The following C10orf71 variants were observed in gnomAD, a reference collection of about 807,000 sequenced individuals.
C10orf71 encodes the protein chromosome 10 open reading frame 71.
For missense variants in C10orf71, 1,869 were observed against 1,804.5 expected, an observed-to-expected ratio of 1.04 and a Z score of -0.65; for synonymous variants, 758 against 726.3, an observed-to-expected ratio of 1.04 and a Z score of -0.70.
In C10orf71 at chr10:49,325,789, G is replaced by T; in HGVS notation, c.3244G>T (p.Ala1082Ser). 3 of 1,551,488 alleles carry T rather than the reference G, an allele frequency of 1.9e-6. No individual in the cohort carries two copies. Among genetic ancestry groups the T allele is most frequent in the South Asian group, 2.4e-5 (2 of 84,050 alleles). Reference sequence around the variant, plus strand: ...CAACATTTGGGAGGAGTCTTCCCAGGCCCCTGGAGGACCAGAGCTGCTTCC... The same window carrying T: ...CAACATTTGGGAGGAGTCTTCCCAGTCCCCTGGAGGACCAGAGCTGCTTCC... ...ASNIWEESSQ[A>S]PGGPELLPEE... The change falls in exon 3 of 3, where the codon GCC becomes TCC. Residue 1082 changes from alanine (A) to serine (S), a missense_variant. Physicochemically the swap from Ala to Ser is moderately conservative, Grantham distance 99 (BLOSUM62 1). Transcript: ENST00000374144.
Position 49,326,736 on chromosome 10 carries a change from A to G in C10orf71, c.4191A>G (p.Ala1397=), listed in dbSNP as rs796478220. 3.0e-5 allele frequency: 46 copies of G among 1,551,378 alleles called. No individual in the cohort carries two copies. In the African/African-American group the frequency reaches 6.2e-4, roughly 21 times the overall value. The change falls in exon 3 of 3, where the codon GCA becomes GCG. Residue 1397 remains alanine (A), a synonymous_variant. Coordinates refer to ENST00000374144, the MANE Select transcript of C10orf71 (RefSeq NM_001135196.2). Reference sequence around the variant, plus strand: ...ACGGTGACTGCACCCCGCACTCTGCAGGCCAGCGCCCTCATGGTCCTCCCC... The same window carrying G: ...ACGGTGACTGCACCCCGCACTCTGCGGGCCAGCGCCCTCATGGTCCTCCCC... The part of the protein sequence containing the change: ...GPHGDCTPHS[A]GQRPHGPPQS...
chr10:49,319,992 G>T (rs1849067802), intron 2 of C10orf71, among the ~76,000 whole-genome samples: 1 of 151,974 alleles, frequency 6.6e-6, no homozygotes, highest in South Asian at 2.1e-4. Context: ...GAGGGGAAAT[G>T]GTAAGTTGTT....
chr10:49,307,107 C>T (rs897131787), intron 1 of C10orf71, among the ~76,000 whole-genome samples: 2 of 152,230 alleles, frequency 1.3e-5, no homozygotes, highest in Non-Finnish European at 2.9e-5. Flanking sequence ...TTTGGGATCA[C>T]ATGCTCTCCC....
Position 49,326,976 on chromosome 10 carries a change from T to G in C10orf71, c.*123T>G. 7.6e-7 allele frequency: 1 copy of G among 1,312,634 alleles called. No homozygotes were observed. Among genetic ancestry groups the G allele is most frequent in the Non-Finnish European group, 1.0e-6 (1 of 985,528 alleles). 81.3% of individuals were successfully genotyped at this position (1,312,634 alleles called of 1,614,324 possible). The stretch of plus-strand genomic sequence containing the variant: ...ACACACACACACGATCATCAACACA[T>G]ACTTAGCCTTTTTAGATCCATAAAG... On this transcript the variant is annotated 3_prime_UTR_variant, in exon 3 of 3. Transcript: ENST00000374144.
chr10:49,314,597 C>T (rs1440137123), intron 1 of C10orf71, among the ~76,000 whole-genome samples: 4 of 152,166 alleles, frequency 2.6e-5, no homozygotes, highest in Admixed American at 2.6e-4. Context: ...GTGAGGGGTG[C>T]CCTAACCATT....
chr10:49,306,636 T>C (rs1848818183), intron 1 of C10orf71, among the ~76,000 whole-genome samples: 1 of 152,230 alleles, frequency 6.6e-6, no homozygotes, highest in South Asian at 2.1e-4. Context: ...GCCAGAGACT[T>C]GGGCAGTGCC....
intron 1 of C10orf71, among the ~76,000 whole-genome samples, chr10:49,303,863 C>T (rs1848768860): frequency 6.6e-6 from 1 of 152,218 alleles, no homozygotes; most frequent in Admixed American, 6.5e-5. Context: ...CTTTCCTTCC[C>T]CTGGCTGAGC....
At chr10:49,316,331 G>C (rs952282004) in intron 2 of C10orf71, 84 bp downstream of exon 2, 1 of 152,046 alleles carries the variant, frequency 6.6e-6, no homozygotes, top group African/African-American at 2.4e-5. Context: ...GGGGCTGGGG[G>C]TGGGGGGAGA....
At chr10:49,315,571 A>G (rs1264855130) in intron 1 of C10orf71, among the ~76,000 whole-genome samples, 1 of 152,232 alleles carries the variant, frequency 6.6e-6, no homozygotes, top group Non-Finnish European at 1.5e-5. Flanking sequence ...TGGGTCAATC[A>G]TATTAGAAAA....
chr10:49,304,728 C>G (rs996492065), intron 1 of C10orf71, among the ~76,000 whole-genome samples: 1 of 152,224 alleles, frequency 6.6e-6, no homozygotes, highest in Non-Finnish European at 1.5e-5. Flanking sequence ...TAGTGCCTGG[C>G]TCCCTTCCCA....
At chr10:49,304,339 C>T (rs4838493) in intron 1 of C10orf71, among the ~76,000 whole-genome samples, 8,126 of 152,276 alleles carry the variant, frequency 0.053, 316 homozygotes, top group East Asian at 0.21. Flanking sequence ...AAGTGAGTTC[C>T]TTAACCTCTC....
In C10orf71 at chr10:49,326,682, G is replaced by A; in HGVS notation, c.4137G>A (p.Glu1379=). Residue 1379 remains glutamate, a synonymous_variant, in exon 3 of 3, where the codon GAG becomes GAA. Transcript: ENST00000374144. ...AARARTQSVH[E]SGLQLDPGPH... is the part of the protein sequence containing the mutation. ...GCGCCAGGACCCAGAGTGTCCACGA[G>A]TCTGGACTACAGCTGGACCCAGGGC... 6.4e-7 allele frequency: 1 copy of A among 1,551,000 alleles called. No individual in the cohort carries two copies. The highest frequency in any genetic ancestry group is 1.2e-5 in the South Asian group (1 of 84,062).
rs190417157 is a variant in C10orf71, at chr10:49,324,497, A to G, written c.1952A>G (p.Asn651Ser). Residue 651 changes from asparagine to serine, a missense_variant, in exon 3 of 3, where the codon AAT becomes AGT. Asn to Ser is a conservative substitution (Grantham distance 46). Transcript: ENST00000374144. ...PRKHLSLRLC[N>S]RDPEPGGATE... ...AAACACCTCTCCCTGAGGCTTTGCA[A>G]TAGGGATCCTGAGCCTGGAGGGGCT... 316 of 1,611,206 alleles carry G rather than the reference A, an allele frequency of 2.0e-4. No individual in the cohort carries two copies. The African/African-American group carries it at 2.4e-3, about 12-fold the overall frequency.
intron 1 of C10orf71, among the ~76,000 whole-genome samples, chr10:49,312,723 C>A (rs7078936): frequency 0.95 from 144,823 of 152,258 alleles, 69,324 homozygotes; most frequent in East Asian, 1. Context: ...CTGAGGGACA[C>A]CTTCCCTGGA....
Position 49,323,548 on chromosome 10 carries a change from G to C in C10orf71, c.1003G>C (p.Glu335Gln), listed in dbSNP as rs761964478. The C allele has an allele frequency of 6.2e-7, 1 of 1,609,724 alleles. No individual in the cohort carries two copies. The highest frequency in any genetic ancestry group is 8.5e-7 in the Non-Finnish European group (1 of 1,177,246). ...GGTCCAGGCCAGCTGCAGTCAGGAA[G>C]AGAACAGACTTGCAGCAGGGGCTCT... The part of the protein sequence containing the change: ...CQVQASCSQE[E>Q]NRLAAGALST... The change falls in exon 3 of 3, where the codon GAG becomes CAG. Residue 335 changes from glutamate (E) to glutamine (Q), a missense_variant. Physicochemically the swap from Glu to Gln is conservative, Grantham distance 29 (BLOSUM62 2). Transcript: ENST00000374144.
chr10:49,322,403 G>GAA lies in C10orf71; in HGVS notation c.-133_-132dup. ...GCCCTGCACCTTTTTCTTTTGCAGA[G>GAA]AAAAAAAAAAATCCCCACTTTGCAA... On this transcript the variant is annotated splice_region_variant and 5_prime_UTR_variant, in exon 3 of 3. Coordinates refer to ENST00000374144, the MANE Select transcript of C10orf71 (RefSeq NM_001135196.2). 3.6e-5 allele frequency: 31 copies of GAA among 855,608 alleles called. No homozygotes were observed. Among genetic ancestry groups the GAA allele is most frequent in the African/African-American group, 8.9e-5 (5 of 56,098 alleles). The allele number at this position is 855,608 out of a possible 1,614,324, so 53.0% of individuals were successfully genotyped here.
At chr10:49,318,313 T>C (rs1849033594) in intron 2 of C10orf71, among the ~76,000 whole-genome samples, 1 of 152,204 alleles carries the variant, frequency 6.6e-6, no homozygotes, top group African/African-American at 2.4e-5. Context: ...GCATGTGTCT[T>C]CTACTGGGGA....
rs1156363461 is a variant in C10orf71, at chr10:49,326,269, G to C, written c.3724G>C (p.Val1242Leu). The change falls in exon 3 of 3, where the codon GTG becomes CTG. Residue 1242 changes from valine (V) to leucine (L), a missense_variant. Physicochemically the swap from Val to Leu is conservative, Grantham distance 32 (BLOSUM62 1). Coordinates refer to ENST00000374144, the MANE Select transcript of C10orf71 (RefSeq NM_001135196.2). ...FPVVRSLPPP[V>L]HRHSVSGFSE... ...CGTGGTCCGTTCCCTGCCCCCTCCC[G>C]TGCACCGCCACTCCGTGTCCGGCTT... is the stretch of plus-strand genomic sequence containing the variant. 6.5e-7 allele frequency: 1 copy of C among 1,550,174 alleles called. No homozygotes were observed. The highest frequency in any genetic ancestry group is 1.2e-5 in the South Asian group (1 of 84,026).
Position 49,327,006 on chromosome 10 carries a change from G to A in C10orf71, c.*153G>A, listed in dbSNP as rs376491369. ...AGCCTTTTTAGATCCATAAAGTCCA[G>A]AAGGCAGTAGGGATCCCAAGACGAC... On this transcript the variant is annotated 3_prime_UTR_variant, in exon 3 of 3. Transcript: ENST00000374144. 1.7e-4 allele frequency: 266 copies of A among 1,585,344 alleles called. 4 individuals are homozygous for A. In the South Asian group the frequency reaches 2.7e-3, roughly 16 times the overall value.
Sources: gnomAD v4.1 joint callset for allele counts (sites outside exome capture counted in the v4.1 genomes callset) on GRCh38, gnomAD v4.1.1 for gene constraint, MANE v1.5 for transcripts, NCBI Gene and HGNC (gene_info 2026-07-23, HGNC 2026-07-21) for gene names.